Variants in AGBL1 observed in about 807,000 individuals in gnomAD.
The protein encoded by AGBL1 is AGBL carboxypeptidase 1.
A neutral mutation model predicts 118.9 loss-of-function variants in AGBL1; 130 were observed. The observed-to-expected ratio is 1.09, with a 90% CI of 0.95 to 1.26. The LOEUF is 1.26. Ranked by LOEUF, AGBL1 falls within the 50% of genes most tolerant of loss-of-function variation. The pLI is 0.00. For synonymous variants in AGBL1, 555 were observed against 478.9 expected, an observed-to-expected ratio of 1.16 and a Z score of -2.08; for missense variants, 1,584 against 1,298.1, an observed-to-expected ratio of 1.22 and a Z score of -3.38.
chr15:86,418,349 T>C (rs1424051905), intron 18 of AGBL1, among the ~76,000 whole-genome samples: 2 of 152,206 alleles, frequency 1.3e-5, no homozygotes, highest in Non-Finnish European at 2.9e-5. Context: ...TGAGAGACTT[T>C]TGCAAATTCC....
intron 18 of AGBL1, among the ~76,000 whole-genome samples, chr15:86,479,581 C>G (rs1231267289): frequency 6.6e-6 from 1 of 152,182 alleles, no homozygotes; most frequent in Non-Finnish European, 1.5e-5. Context: ...CAGGAAACAA[C>G]AGGTGCTGGA....
intron 1 of AGBL1, among the ~76,000 whole-genome samples, chr15:86,101,804 G>A (rs1180180645): frequency 2.0e-5 from 3 of 151,962 alleles, no homozygotes; most frequent in African/African-American, 7.2e-5. Context: ...ATATAGTTCA[G>A]TGTTTTCTAA....
intron 23 of AGBL1, among the ~76,000 whole-genome samples, chr15:86,979,833 T>C (rs945693564): frequency 1.3e-5 from 2 of 152,140 alleles, no homozygotes; most frequent in African/African-American, 4.8e-5. Flanking sequence ...CTTGAAACCA[T>C]ATTAGAGTGA....
chr15:86,363,791 C>G (rs2080840317), intron 17 of AGBL1, among the ~76,000 whole-genome samples: 1 of 152,090 alleles, frequency 6.6e-6, no homozygotes. Flanking sequence ...TCCTAAATAC[C>G]TCAGAGCCAG....
At chr15:86,735,584 T>A (rs1056270453) in intron 22 of AGBL1, among the ~76,000 whole-genome samples, 1 of 146,104 alleles carries the variant, frequency 6.8e-6, no homozygotes, top group East Asian at 2.1e-4. Flanking sequence ...ATTGTCTCTT[T>A]TGATATAGAG....
intron 1 of AGBL1, among the ~76,000 whole-genome samples, chr15:86,096,112 A>G (rs1276156536): frequency 6.6e-6 from 1 of 152,130 alleles, no homozygotes; most frequent in East Asian, 1.9e-4. Context: ...AATCATTTTA[A>G]CTTAACATTA....
chr15:86,683,364 C>T (rs1471654890), intron 22 of AGBL1, among the ~76,000 whole-genome samples: 4 of 152,034 alleles, frequency 2.6e-5, no homozygotes, highest in Admixed American at 2.6e-4. Context: ...GTGTTGTAAC[C>T]CATGGTGAAT....
intron 22 of AGBL1, among the ~76,000 whole-genome samples, chr15:86,884,254 TAATGGGCAG>T (rs1275037201): frequency 1.3e-5 from 2 of 152,138 alleles, no homozygotes; most frequent in African/African-American, 4.8e-5. Flanking sequence ...GCTGAGTGAC[TAATGGGCAG>T]AATGGGCAGG....
intron 23 of AGBL1, among the ~76,000 whole-genome samples, chr15:86,969,175 T>C (rs1177257778): frequency 6.6e-6 from 1 of 151,942 alleles, no homozygotes; most frequent in African/African-American, 2.4e-5. Flanking sequence ...CAAAGTCTCA[T>C]CTAAATCAGG....
At chr15:86,358,811 G>A (rs2080759994) in intron 17 of AGBL1, among the ~76,000 whole-genome samples, 1 of 151,846 alleles carries the variant, frequency 6.6e-6, no homozygotes, top group Non-Finnish European at 1.5e-5. Flanking sequence ...TTGGCTGTTT[G>A]TACGTTTTTT....
intron 18 of AGBL1, among the ~76,000 whole-genome samples, chr15:86,437,102 G>C (rs540495616): frequency 6.6e-6 from 1 of 152,192 alleles, no homozygotes; most frequent in East Asian, 1.9e-4. Context: ...ATCAGAGAGA[G>C]TGGTTTTTAT....
At chr15:86,101,337 G>C (rs1896701854) in intron 1 of AGBL1, among the ~76,000 whole-genome samples, 2 of 151,948 alleles carry the variant, frequency 1.3e-5, no homozygotes, top group African/African-American at 4.8e-5. Flanking sequence ...TCTGTAACTT[G>C]TGAATGAAAT....
intron 5 of AGBL1, among the ~76,000 whole-genome samples, chr15:86,189,242 G>A (rs899682339): frequency 1.3e-5 from 2 of 152,152 alleles, no homozygotes; most frequent in Non-Finnish European, 2.9e-5. Context: ...TACATCTGGA[G>A]AACTTATGCA....
At chr15:86,933,387 A>C (rs1342110888) in intron 23 of AGBL1, among the ~76,000 whole-genome samples, 1 of 152,124 alleles carries the variant, frequency 6.6e-6, no homozygotes, top group East Asian at 1.9e-4. Context: ...AGGGGTCTGA[A>C]TTCTGCTCAA....
rs75229881 is a variant in AGBL1 at position 86,759,406 on chromosome 15, G to A, written c.3158+84970G>A. Reference sequence around the variant, plus strand: ...CACTTGTATAATAGAAGTAATAACGGAAACTTCCTCATAAAGTTGAAAAGG... The same window carrying A: ...CACTTGTATAATAGAAGTAATAACGAAAACTTCCTCATAAAGTTGAAAAGG... On this transcript the variant is annotated intron_variant, in intron 22 of 22. Transcript: ENST00000614907. Among the ~76,000 whole-genome samples, 978 of 152,212 alleles carry A rather than the reference G, an allele frequency of 6.4e-3. 7 individuals carry two copies. The highest frequency in any genetic ancestry group is 0.011 in the Non-Finnish European group (735 of 67,994).
chr15:86,698,556 G>T (rs2086301787), intron 22 of AGBL1, among the ~76,000 whole-genome samples: 1 of 151,032 alleles, frequency 6.6e-6, no homozygotes, highest in Admixed American at 6.6e-5. Context: ...ACAATATATT[G>T]TTGCATCCGC....
At chr15:86,334,216 A>C (rs982238153) in intron 17 of AGBL1, among the ~76,000 whole-genome samples, 8 of 152,308 alleles carry the variant, frequency 5.3e-5, no homozygotes, top group African/African-American at 1.7e-4. Flanking sequence ...TCTAAATAGG[A>C]AAAAAAGAAG....
chr15:86,329,351 T>G (rs1342285764), intron 17 of AGBL1, among the ~76,000 whole-genome samples: 1 of 151,942 alleles, frequency 6.6e-6, no homozygotes, highest in Non-Finnish European at 1.5e-5. Context: ...CAGGTAGATC[T>G]CCAAGTATTT....
intron 20 of AGBL1, among the ~76,000 whole-genome samples, chr15:86,553,130 A>G (rs1054551343): frequency 6.6e-6 from 1 of 152,160 alleles, no homozygotes; most frequent in Non-Finnish European, 1.5e-5. Context: ...AATTTGTCTA[A>G]AAGCCTAAGG....
Sources: allele counts gnomAD v4.1 joint callset (sites outside exome capture counted in the v4.1 genomes callset), GRCh38; gene constraint gnomAD v4.1.1; transcripts MANE v1.5; gene names NCBI Gene and HGNC (gene_info 2026-07-23, HGNC 2026-07-21).